The following PRRX1 variants were observed in gnomAD, a reference collection of about 807,000 sequenced individuals.
PRRX1 encodes paired related homeobox 1.
Under a neutral mutation model 24.0 loss-of-function variants are expected in PRRX1, and 8 were observed. The ratio of observed to expected loss-of-function variants is 0.33; its 90% confidence interval spans 0.20 to 0.60. The LOEUF (loss-of-function observed/expected upper bound fraction) is 0.60, where lower values mean the gene tolerates loss of function less well. Ranked by LOEUF, PRRX1 falls within the 20% of genes least tolerant of loss-of-function variation. The pLI is 0.82. For missense variants in PRRX1, 281 were observed against 322.4 expected, an observed-to-expected ratio of 0.87 and a Z score of 0.98; for synonymous variants, 160 against 131.7, an observed-to-expected ratio of 1.22 and a Z score of -1.47.
chr1:170,711,605 T>C (rs1232701935), intron 1 of PRRX1, among the ~76,000 whole-genome samples: 1 of 152,168 alleles, frequency 6.6e-6, no homozygotes, highest in Non-Finnish European at 1.5e-5. Context: ...TAAGGAATCA[T>C]TGAAAAAGGT....
chr1:170,672,266 CT>C (rs1191444736), intron 1 of PRRX1, among the ~76,000 whole-genome samples: 3 of 152,164 alleles, frequency 2.0e-5, no homozygotes, highest in Non-Finnish European at 4.4e-5. Flanking sequence ...TTACCACTCC[CT>C]GACAATGGGG....
intron 1 of PRRX1, among the ~76,000 whole-genome samples, chr1:170,702,081 T>C (rs1284103560): frequency 6.6e-6 from 1 of 152,176 alleles, no homozygotes; most frequent in African/African-American, 2.4e-5. Flanking sequence ...ATTTAAATTA[T>C]CATAAGGAAC....
chr1:170,671,412 C>T (rs1466211277), intron 1 of PRRX1, among the ~76,000 whole-genome samples: 2 of 152,206 alleles, frequency 1.3e-5, no homozygotes, highest in Non-Finnish European at 2.9e-5. Flanking sequence ...ACAAACACCC[C>T]CACCCCATCT....
chr1:170,719,274 A>G (rs1270579383), intron 1 of PRRX1, among the ~76,000 whole-genome samples: 1 of 152,228 alleles, frequency 6.6e-6, no homozygotes, highest in Non-Finnish European at 1.5e-5. Flanking sequence ...GTTCATGTAT[A>G]TATGTTAGGA....
At chr1:170,701,568 T>C (rs943827346) in intron 1 of PRRX1, among the ~76,000 whole-genome samples, 5 of 152,182 alleles carry the variant, frequency 3.3e-5, no homozygotes, top group Non-Finnish European at 5.9e-5. Flanking sequence ...TTAGAGTTTA[T>C]GAAATTTTAT....
At position 170,713,135 on chromosome 1, in the gene PRRX1, T is replaced by G. The variant is rs796546851; in HGVS notation, c.242-6591T>G. 2.0e-5 allele frequency among the ~76,000 whole-genome samples: 3 copies of G among 152,224 alleles called. No homozygotes were observed. The South Asian group carries it at 6.2e-4, about 32-fold the overall frequency. ...ATTCAGGAATACATTAGTATTATTA[T>G]TAGTAGTAGTATTTCATGTCTGATT... is the stretch of plus-strand genomic sequence containing the variant. On this transcript the variant is annotated intron_variant, in intron 1 of 3. Transcript: ENST00000239461.
intron 1 of PRRX1, among the ~76,000 whole-genome samples, chr1:170,688,138 T>A (rs1305294004): frequency 6.6e-6 from 1 of 152,104 alleles, no homozygotes; most frequent in Non-Finnish European, 1.5e-5. Flanking sequence ...TTATTATTAT[T>A]TTTCTATTAC....
At chr1:170,712,587 C>G (rs1229098326) in intron 1 of PRRX1, among the ~76,000 whole-genome samples, 1 of 152,168 alleles carries the variant, frequency 6.6e-6, no homozygotes, top group Admixed American at 6.5e-5. Context: ...ATTATGGTAG[C>G]ACTGGTAGAA....
At chr1:170,689,280 C>T (rs558750988) in intron 1 of PRRX1, among the ~76,000 whole-genome samples, 24 of 152,168 alleles carry the variant, frequency 1.6e-4, no homozygotes, top group African/African-American at 5.8e-4. Flanking sequence ...TTCTGTGGAG[C>T]TGTGTACTGT....
In PRRX1 at chr1:170,738,311, C is replaced by T. The variant is rs1181952506; in HGVS notation, c.*2125C>T. Reference sequence around the variant, plus strand: ...TAATGGTGATGTTATTTCAATCTAACAGCCACCAATCTGAAATTGTATTTC... The same window carrying T: ...TAATGGTGATGTTATTTCAATCTAATAGCCACCAATCTGAAATTGTATTTC... On this transcript the variant is annotated 3_prime_UTR_variant, in exon 4 of 4. Coordinates refer to ENST00000239461, the MANE Select transcript of PRRX1 (RefSeq NM_022716.4). The T allele has an allele frequency of 4.4e-6, 1 of 225,272 alleles. No individual in the cohort carries two copies. The highest frequency in any genetic ancestry group is 8.8e-6 in the Non-Finnish European group (1 of 113,014). The allele number at this position is 225,272 out of a possible 1,614,324, so 14.0% of individuals were successfully genotyped here.
intron 1 of PRRX1, among the ~76,000 whole-genome samples, chr1:170,675,043 T>A (rs757684814): frequency 1.3e-5 from 2 of 152,214 alleles, no homozygotes; most frequent in Non-Finnish European, 2.9e-5. Flanking sequence ...TAAAAAACTG[T>A]GTAAGCATTT....
chr1:170,677,700 T>C (rs374496783), intron 1 of PRRX1, among the ~76,000 whole-genome samples: 66 of 152,198 alleles, frequency 4.3e-4, no homozygotes, highest in African/African-American at 1.5e-3. Flanking sequence ...ACCATGAGTA[T>C]CTGGAAGAGC....
chr1:170,738,465 G>C lies in PRRX1; in HGVS notation c.*2279G>C. Reference sequence around the variant, plus strand: ...CTTACTGAATGGTTCATGTAGGCTTGCTGAACAGCACGCATTACTTGCTTC... The same window carrying C: ...CTTACTGAATGGTTCATGTAGGCTTCCTGAACAGCACGCATTACTTGCTTC... On this transcript the variant is annotated 3_prime_UTR_variant, in exon 4 of 4. Transcript: ENST00000239461. 4.4e-6 allele frequency: 1 copy of C among 228,604 alleles called. No homozygotes were observed. The highest frequency in any genetic ancestry group is 8.7e-6 in the Non-Finnish European group (1 of 115,202). The allele number at this position is 228,604 out of a possible 1,614,324, so 14.2% of individuals were successfully genotyped here. A position where few individuals can be genotyped will look rare whatever the true frequency, so the allele number is the denominator to read the frequency against.
intron 1 of PRRX1, among the ~76,000 whole-genome samples, chr1:170,671,261 C>A (rs539426884): frequency 6.6e-6 from 1 of 152,182 alleles, no homozygotes; most frequent in Non-Finnish European, 1.5e-5. Context: ...ACAGGGGGCT[C>A]TTTTTGGATC....
intron 3 of PRRX1, chr1:170,728,331 C>T (rs899207482): frequency 6.6e-6 from 1 of 152,096 alleles, no homozygotes; most frequent in Admixed American, 6.5e-5. Context: ...TTTATGCGTG[C>T]CTTTTTTGGA....
At chr1:170,705,652 C>T (rs894617820) in intron 1 of PRRX1, among the ~76,000 whole-genome samples, 3 of 151,940 alleles carry the variant, frequency 2.0e-5, no homozygotes, top group Admixed American at 2.0e-4. Context: ...TATCATGTGA[C>T]CTATTGTCTG....
At chr1:170,705,892 G>A (rs372210400) in intron 1 of PRRX1, among the ~76,000 whole-genome samples, 9 of 149,388 alleles carry the variant, frequency 6.0e-5, no homozygotes, top group African/African-American at 2.2e-4. Flanking sequence ...GGTTCTCTGG[G>A]CTAAGTCACA....
chr1:170,693,413 C>A (rs1467548295), intron 1 of PRRX1, among the ~76,000 whole-genome samples: 1 of 151,988 alleles, frequency 6.6e-6, no homozygotes, highest in Non-Finnish European at 1.5e-5. Flanking sequence ...TAATTTCCTG[C>A]ACATACCAAT....
At chr1:170,702,677 G>A (rs916938410) in intron 1 of PRRX1, among the ~76,000 whole-genome samples, 4 of 152,134 alleles carry the variant, frequency 2.6e-5, no homozygotes, top group African/African-American at 9.7e-5. Flanking sequence ...TATCACATGA[G>A]CACCCTCTAA....
Sources: gnomAD v4.1 joint callset for allele counts (sites outside exome capture counted in the v4.1 genomes callset) on GRCh38, gnomAD v4.1.1 for gene constraint, MANE v1.5 for transcripts, NCBI Gene and HGNC (gene_info 2026-07-23, HGNC 2026-07-21) for gene names.